Variants in SYT1 observed in about 807,000 individuals in gnomAD.
SYT1 encodes the protein synaptotagmin-1.
In SYT1, 8 loss-of-function variants were observed where a neutral mutation model predicts 44.8. The observed-to-expected ratio is 0.18, with a 90% CI of 0.10 to 0.32. SYT1 has a LOEUF of 0.32. Ranked by LOEUF, SYT1 falls within the 10% of genes least tolerant of loss-of-function variation. The pLI, the probability that SYT1 is intolerant of heterozygous loss-of-function variation, is 1.00. For missense variants in SYT1, 286 were observed against 509.3 expected, an observed-to-expected ratio of 0.56 and a Z score of 4.22; for synonymous variants, 154 against 188.8, an observed-to-expected ratio of 0.82 and a Z score of 1.51.
chr12:79,106,430 A>ACCCT (rs1477322225), intron 3 of SYT1, among the ~76,000 whole-genome samples: 8 of 152,120 alleles, frequency 5.3e-5, no homozygotes, highest in Non-Finnish European at 1.2e-4. Flanking sequence ...CTAAATAATG[A>ACCCT]ATTTAAACAT....
At chr12:78,955,944 A>G (rs1351065645) in intron 1 of SYT1, among the ~76,000 whole-genome samples, 1 of 151,628 alleles carries the variant, frequency 6.6e-6, no homozygotes, top group Non-Finnish European at 1.5e-5. Context: ...GTAGTTTAAT[A>G]TTTTTCTTTG....
chr12:78,891,943 T>G (rs1875081402), intron 1 of SYT1, among the ~76,000 whole-genome samples: 1 of 151,888 alleles, frequency 6.6e-6, no homozygotes, highest in Admixed American at 6.6e-5. Context: ...AAATTCTATG[T>G]GCAATCAATA....
chr12:79,033,783 T>C (rs1298823080), intron 2 of SYT1, among the ~76,000 whole-genome samples: 1 of 151,282 alleles, frequency 6.6e-6, no homozygotes, highest in Admixed American at 6.6e-5. Flanking sequence ...TTAAAAGGAG[T>C]GTGGCTATTT....
intron 2 of SYT1, among the ~76,000 whole-genome samples, chr12:79,024,977 A>G (rs1872432569): frequency 6.6e-6 from 1 of 151,866 alleles, no homozygotes; most frequent in Non-Finnish European, 1.5e-5. Flanking sequence ...AAAGCAAAGC[A>G]GAACACACTT....
intron 3 of SYT1, among the ~76,000 whole-genome samples, chr12:79,188,714 T>C (rs1314551308): frequency 6.6e-6 from 1 of 152,130 alleles, no homozygotes; most frequent in Non-Finnish European, 1.5e-5. Flanking sequence ...TAATATTTTG[T>C]AGCATCACTC....
intron 1 of SYT1, among the ~76,000 whole-genome samples, chr12:78,880,340 T>C (rs906089585): frequency 2.0e-5 from 3 of 151,738 alleles, no homozygotes; most frequent in Non-Finnish European, 4.4e-5. Context: ...TACTCAATTT[T>C]TGTGTGGTCT....
At chr12:78,921,450 T>G (rs1876994459) in intron 1 of SYT1, among the ~76,000 whole-genome samples, 1 of 152,042 alleles carries the variant, frequency 6.6e-6, no homozygotes, top group Admixed American at 6.6e-5. Context: ...AAGGAGAGAC[T>G]TTAATATTCT....
At chr12:79,376,679 C>T (rs1452223657) in intron 9 of SYT1, among the ~76,000 whole-genome samples, 4 of 152,174 alleles carry the variant, frequency 2.6e-5, no homozygotes, top group Non-Finnish European at 4.4e-5. Flanking sequence ...GGTTCACACA[C>T]ATCTGACATA....
At position 79,263,703 on chromosome 12, in the gene SYT1, T is replaced by A. The variant is rs574883278; in HGVS notation, c.167-22084T>A. Among the ~76,000 whole-genome samples, 59 of 152,308 alleles carry A rather than the reference T, an allele frequency of 3.9e-4. 1 individual carries two copies. The highest frequency in any genetic ancestry group is 2.6e-3 in the Admixed American group (40 of 15,306). ...ACTGAATGAAGACAAAAAACACAGC[T>A]ATCCCTTTTATTAAGTTTCATAGCT... On this transcript the variant is annotated intron_variant, in intron 4 of 10. Transcript: ENST00000261205.
At chr12:78,920,010 G>A (rs1278672751) in intron 1 of SYT1, among the ~76,000 whole-genome samples, 1 of 108,132 alleles carries the variant, frequency 9.2e-6, no homozygotes, top group Non-Finnish European at 1.9e-5. Context: ...ATATTGTAGA[G>A]TATCATTGGG....
chr12:78,938,625 G>A (rs1878192473), intron 1 of SYT1, among the ~76,000 whole-genome samples: 1 of 152,108 alleles, frequency 6.6e-6, no homozygotes. Flanking sequence ...CTAAATTACA[G>A]AAACGAATAA....
intron 1 of SYT1, among the ~76,000 whole-genome samples, chr12:78,971,027 G>T (rs558483012): frequency 1.3e-5 from 2 of 152,182 alleles, no homozygotes; most frequent in South Asian, 4.1e-4. Flanking sequence ...AGCAGGGTGT[G>T]ATGATGCATG....
intron 1 of SYT1, among the ~76,000 whole-genome samples, chr12:78,878,331 T>A (rs1874282134): frequency 6.6e-6 from 1 of 151,792 alleles, no homozygotes; most frequent in Non-Finnish European, 1.5e-5. Context: ...TAACATAAAA[T>A]CTGTCAATCC....
intron 2 of SYT1, among the ~76,000 whole-genome samples, chr12:79,020,963 C>T (rs547691437): frequency 6.6e-6 from 1 of 151,974 alleles, no homozygotes; most frequent in South Asian, 2.1e-4. Context: ...TCTTAGTCAA[C>T]GTTGGTGCTA....
At chr12:79,234,316 T>A (rs1405365944) in intron 4 of SYT1, among the ~76,000 whole-genome samples, 3 of 152,216 alleles carry the variant, frequency 2.0e-5, no homozygotes, top group Non-Finnish European at 4.4e-5. Context: ...TACAATAAGA[T>A]GCACCCATTG....
In SYT1 at chr12:79,377,234, C is replaced by T. The variant is rs370103295; in HGVS notation, c.928+23615C>T. On this transcript the variant is annotated intron_variant, in intron 9 of 10. Transcript: ENST00000261205. ...TCACACCATTCTCCTGCCTCAGCCT[C>T]CCGAGTAGCTGGGACTGCAGGCTAC... Among the ~76,000 whole-genome samples the T allele has an allele frequency of 7.5e-4, 114 of 152,262 alleles. No individual in the cohort carries two copies. The East Asian group carries it at 9.8e-3, about 13-fold the overall frequency.
intron 2 of SYT1, among the ~76,000 whole-genome samples, chr12:79,033,138 T>C (rs1052683171): frequency 6.6e-6 from 1 of 151,342 alleles, no homozygotes; most frequent in African/African-American, 2.4e-5. Flanking sequence ...AGATCAAAGA[T>C]TGGAAGCTGA....
chr12:79,224,511 T>C (rs1416001240), intron 4 of SYT1, among the ~76,000 whole-genome samples: 2 of 151,936 alleles, frequency 1.3e-5, no homozygotes, highest in Admixed American at 1.3e-4. Context: ...CCAAGGCCCT[T>C]AGGTAAGAAT....
At chr12:79,061,431 G>A (rs1211359182) in intron 3 of SYT1, among the ~76,000 whole-genome samples, 1 of 152,072 alleles carries the variant, frequency 6.6e-6, no homozygotes, top group East Asian at 1.9e-4. Context: ...GAAAGGTTAA[G>A]TGACTTTCTC....
Sources: gnomAD v4.1 joint callset for allele counts (sites outside exome capture counted in the v4.1 genomes callset) on GRCh38, gnomAD v4.1.1 for gene constraint, MANE v1.5 for transcripts, NCBI Gene and HGNC (gene_info 2026-07-23, HGNC 2026-07-21) for gene names.